Variants in RAB6A observed in about 807,000 individuals in gnomAD.
RAB6A encodes ras-related protein Rab-6A.
Under a neutral mutation model 32.3 loss-of-function variants are expected in RAB6A, and 8 were observed. The ratio of observed to expected loss-of-function variants is 0.25; its 90% CI spans 0.15 to 0.45. The LOEUF (loss-of-function observed/expected upper bound fraction) is 0.45, where lower values mean the gene tolerates loss of function less well. Ranked by LOEUF, RAB6A falls within the 20% of genes least tolerant of loss-of-function variation. RAB6A has a pLI of 1.00. For synonymous variants in RAB6A, 73 were observed against 82.1 expected (o/e 0.89, Z 0.60); for missense variants, 104 against 249.4 (o/e 0.42, Z 3.93).
At chr11:73,752,213 C>CT (rs1946679628) in intron 1 of RAB6A, among the ~76,000 whole-genome samples, 1 of 152,146 alleles carries the variant, frequency 6.6e-6, no homozygotes, top group South Asian at 2.1e-4. Context: ...AATCCCAGCA[C>CT]TTTGGGAGGC....
intron 3 of RAB6A, 195 bp from the exon 4 acceptor site, chr11:73,718,913 T>TAAAA: frequency 6.0e-6 from 7 of 1,165,826 alleles, no homozygotes; most frequent in South Asian, 3.1e-5. Flanking sequence ...AAAAAATAAA[T>TAAAA]AAAAAAAAAA....
At chr11:73,681,403 C>T (rs1945354432) in intron 6 of RAB6A, among the ~76,000 whole-genome samples, 2 of 152,166 alleles carry the variant, frequency 1.3e-5, no homozygotes, top group African/African-American at 4.8e-5. Flanking sequence ...GGCTGAAATA[C>T]ATGCATAAAA....
At chr11:73,692,226 C>T (rs898277231) in intron 6 of RAB6A, among the ~76,000 whole-genome samples, 51 of 151,904 alleles carry the variant, frequency 3.4e-4, no homozygotes, top group African/African-American at 1.9e-4. Context: ...AAATCAAGGC[C>T]GGGCGCAGTG....
At chr11:73,702,340 T>G (rs7104603) in intron 6 of RAB6A, among the ~76,000 whole-genome samples, 4 of 151,850 alleles carry the variant, frequency 2.6e-5, no homozygotes, top group African/African-American at 9.7e-5. Flanking sequence ...TTCAAAAAAA[T>G]TTTTCTACTT....
At chr11:73,681,754 G>A (rs1383931242) in intron 6 of RAB6A, among the ~76,000 whole-genome samples, 2 of 152,052 alleles carry the variant, frequency 1.3e-5, no homozygotes, top group East Asian at 3.9e-4. Flanking sequence ...GGTTGCAGTG[G>A]ACCAAGATCT....
intron 1 of RAB6A, among the ~76,000 whole-genome samples, chr11:73,757,820 G>A (rs1485202878): frequency 1.3e-5 from 2 of 152,080 alleles, no homozygotes; most frequent in Admixed American, 6.6e-5. Flanking sequence ...ACTAGCTTTC[G>A]TTACTACTAG....
Position 73,699,451 on chromosome 11 carries a change from A to AT in RAB6A, c.495+7968dup, listed in dbSNP as rs557507700. ...CTAGGTAATTTTTAAATTTTTATTT[A>AT]TTTTTCATTATTCTGTAGAGACAAG... On this transcript the variant is annotated intron_variant, in intron 6 of 7. Transcript: ENST00000336083. Among the ~76,000 whole-genome samples, 186 of 151,934 alleles carry AT rather than the reference A, an allele frequency of 1.2e-3. 1 individual carries two copies. The highest frequency in any genetic ancestry group is 4.4e-3 in the African/African-American group (181 of 41,436).
chr11:73,680,752 C>T (rs1590817809), intron 6 of RAB6A, among the ~76,000 whole-genome samples: 1 of 152,256 alleles, frequency 6.6e-6, no homozygotes, highest in East Asian at 1.9e-4. Flanking sequence ...ATTAGAAAAG[C>T]ACTATGTTAG....
At chr11:73,714,192 C>CA (rs71272251) in intron 5 of RAB6A, among the ~76,000 whole-genome samples, 28,278 of 65,864 alleles carry the variant, frequency 0.43, 7,249 homozygotes, top group Non-Finnish European at 0.53. Context: ...AACTCCATCT[C>CA]AAAAAAAAAA....
chr11:73,722,559 C>T (rs1946158480), intron 2 of RAB6A: 1 of 150,488 alleles, frequency 6.6e-6, no homozygotes, highest in African/African-American at 2.4e-5. Flanking sequence ...AGTCTGGAAC[C>T]CCTAGGTTCA....
intron 5 of RAB6A, among the ~76,000 whole-genome samples, chr11:73,715,655 G>T (rs943040413): frequency 6.6e-6 from 1 of 152,214 alleles, no homozygotes; most frequent in African/African-American, 2.4e-5. Flanking sequence ...GCTTAAGAAT[G>T]CTGAAAGCAA....
intron 6 of RAB6A, among the ~76,000 whole-genome samples, chr11:73,691,897 T>C (rs562351207): frequency 2.0e-5 from 3 of 151,370 alleles, no homozygotes; most frequent in African/African-American, 7.3e-5. Flanking sequence ...CACTTGAACC[T>C]GAGAGGCGGA....
chr11:73,760,483 C>A, intron 1 of RAB6A, 83 bp downstream of exon 1: 3 of 1,496,844 alleles, frequency 2.0e-6, no homozygotes, highest in Non-Finnish European at 1.8e-6. Context: ...GGGCAGGGAG[C>A]CTCCGCGGAC....
At position 73,740,799 on chromosome 11, in the gene RAB6A, A is replaced by T. The variant is rs1484844613; in HGVS notation, c.71-9976T>A. Among the ~76,000 whole-genome samples the T allele has an allele frequency of 3.3e-5, 5 of 151,952 alleles. No homozygotes were observed. The East Asian group carries it at 9.7e-4, about 30-fold the overall frequency. On this transcript the variant is annotated intron_variant, in intron 1 of 7. Coordinates refer to ENST00000336083, the MANE Select transcript of RAB6A (RefSeq NM_198896.2). The stretch of plus-strand genomic sequence containing the variant: ...CTACTCGGGGGGGCTGAGGCAGGAC[A>T]ATCGCTTAAACCTGGGAGGCAGAGG...
chr11:73,697,754 G>T (rs575214189), intron 6 of RAB6A, among the ~76,000 whole-genome samples: 12 of 152,238 alleles, frequency 7.9e-5, no homozygotes, highest in African/African-American at 2.9e-4. Flanking sequence ...CACAGACTTA[G>T]GTATTTTGTT....
Position 73,719,241 on chromosome 11 carries a change from C to A in RAB6A, c.184-523G>T, listed in dbSNP as rs538551055. ...GTTGATGGTTAAATAGAGAAAAAAACAAAACAAAACAAAAAAACCTAAGGT... is the reference window on the plus strand; with the variant it reads ...GTTGATGGTTAAATAGAGAAAAAAAAAAAACAAAACAAAAAAACCTAAGGT... On this transcript the variant is annotated intron_variant, in intron 3 of 7. Transcript: ENST00000336083. 1.8e-3 allele frequency among the ~76,000 whole-genome samples: 271 copies of A among 152,044 alleles called. 3 individuals carry two copies. Among genetic ancestry groups the A allele is most frequent in the Middle Eastern group, 6.8e-3 (2 of 294 alleles).
chr11:73,701,833 G>A (rs974053138), intron 6 of RAB6A, among the ~76,000 whole-genome samples: 1 of 152,128 alleles, frequency 6.6e-6, no homozygotes, highest in African/African-American at 2.4e-5. Flanking sequence ...TAGAGACAGG[G>A]TTTCGTCATG....
intron 6 of RAB6A, 131 bp downstream of exon 6, chr11:73,707,289 C>G: frequency 1.7e-6 from 1 of 602,136 alleles, no homozygotes; most frequent in East Asian, 2.8e-5. Flanking sequence ...ATATTTTTCA[C>G]TGTTTGAAAA....
chr11:73,718,567 C>T, intron 4 of RAB6A, 46 bp downstream of exon 4: 1 of 1,488,456 alleles, frequency 6.7e-7, no homozygotes, highest in Non-Finnish European at 9.2e-7. Context: ...TGCAGCTAAG[C>T]TAAAGGTTGA....
Sources: gnomAD v4.1 joint callset for allele counts (sites outside exome capture counted in the v4.1 genomes callset) on GRCh38, gnomAD v4.1.1 for gene constraint, MANE v1.5 for transcripts, NCBI Gene and HGNC (gene_info 2026-07-23, HGNC 2026-07-21) for gene names.